The following RNF6 variants were observed in gnomAD, a reference collection of about 807,000 sequenced individuals.
The protein encoded by RNF6 is ring finger protein 6.
Under a neutral mutation model 50.1 loss-of-function variants are expected in RNF6, and 21 were observed. That is an observed-to-expected ratio of 0.42 (90% CI 0.30 to 0.60). RNF6 has a LOEUF of 0.60. Among genes scored for constraint, RNF6 ranks in the 20% least tolerant of loss-of-function variants. The pLI is 0.20. For missense variants in RNF6, 698 were observed against 838.2 expected (o/e 0.83, Z 2.07); for synonymous variants, 255 against 291.8 (o/e 0.87, Z 1.29).
At chr13:26,155,209 C>A (rs911425785) in intron 5 of RNF6, among the ~76,000 whole-genome samples, 12 of 152,248 alleles carry the variant, frequency 7.9e-5, no homozygotes, top group African/African-American at 1.4e-4. Context: ...TTGAAGGCTG[C>A]AGTAAGCTAC....
At position 26,146,709 on chromosome 13, in the gene RNF6, C is replaced by T. The variant is rs371864926; in HGVS notation, n.769-14258G>A. Among the ~76,000 whole-genome samples, 4 of 152,300 alleles carry T rather than the reference C, an allele frequency of 2.6e-5. No homozygotes were observed. The East Asian group carries it at 7.7e-4, about 29-fold the overall frequency. On this transcript the variant is annotated intron_variant and non_coding_transcript_variant, in intron 5 of 5. Coordinates refer to the RNF6 transcript ENST00000468480. Reference sequence around the variant, plus strand: ...TTTCATCTATGTTTCAGCCAACCAACCCCAGTAGCTAGAACCCTTTATGAC... The same window carrying T: ...TTTCATCTATGTTTCAGCCAACCAATCCCAGTAGCTAGAACCCTTTATGAC...
rs1029041291 is a variant in RNF6, at chr13:26,196,690, A to G, written n.768+18784T>C. On this transcript the variant is annotated intron_variant and non_coding_transcript_variant, in intron 5 of 5. Coordinates refer to the RNF6 transcript ENST00000468480. ...CATTTTCAGATAACAAAAAGCTGGG[A>G]GAATCTGCCACTAGTAGTTCTGCAC... Among the ~76,000 whole-genome samples, 45 of 151,878 alleles carry G rather than the reference A, an allele frequency of 3.0e-4. 1 individual carries two copies. Among genetic ancestry groups the G allele is most frequent in the African/African-American group, 1.1e-3 (44 of 41,196 alleles).
chr13:26,217,631 G>C (rs978087745), intron 4 of RNF6, among the ~76,000 whole-genome samples: 2 of 152,212 alleles, frequency 1.3e-5, no homozygotes, highest in African/African-American at 4.8e-5. Flanking sequence ...AAATCTTTCT[G>C]AAGTAATGAG....
intron 5 of RNF6, among the ~76,000 whole-genome samples, chr13:26,138,915 C>T (rs1425263807): frequency 3.9e-5 from 6 of 152,228 alleles, no homozygotes; most frequent in Non-Finnish European, 1.5e-5. Context: ...AATAGTATCA[C>T]TTCACATCTG....
chr13:26,199,506 C>T (rs553064678), intron 5 of RNF6, among the ~76,000 whole-genome samples: 86 of 151,698 alleles, frequency 5.7e-4, no homozygotes, highest in African/African-American at 2.0e-3. Context: ...AAAGCATGGA[C>T]CAAAAAAGAA....
At chr13:26,139,591 T>C (rs537398159) in intron 5 of RNF6, among the ~76,000 whole-genome samples, 3 of 152,314 alleles carry the variant, frequency 2.0e-5, no homozygotes, top group African/African-American at 4.8e-5. Context: ...AAAACCTGTT[T>C]AACACTTCGG....
intron 5 of RNF6, among the ~76,000 whole-genome samples, chr13:26,152,453 G>A (rs1386663738): frequency 1.3e-5 from 2 of 152,146 alleles, no homozygotes; most frequent in African/African-American, 4.8e-5. Context: ...CCACCCCCAA[G>A]CCAGAAGCAG....
At chr13:26,215,638 C>T (rs745827769) in intron 4 of RNF6, 46 bp from the exon 5 acceptor site, 20 of 1,454,876 alleles carry the variant, frequency 1.4e-5, no homozygotes, top group Non-Finnish European at 1.7e-5. Flanking sequence ...CTAAGACACA[C>T]CTTACAGCTT....
chr13:26,146,474 A>G (rs1037383240), intron 5 of RNF6, among the ~76,000 whole-genome samples: 3 of 152,230 alleles, frequency 2.0e-5, no homozygotes, highest in Admixed American at 1.3e-4. Flanking sequence ...GAGTGATCAC[A>G]GAACGCTTTA....
Position 26,148,191 on chromosome 13 carries a change from C to T in RNF6, n.769-15740G>A, listed in dbSNP as rs539520022. On this transcript the variant is annotated intron_variant and non_coding_transcript_variant, in intron 5 of 5. Transcript: ENST00000468480. ...CCATACTTTAAAACCATCAGCTCTC[C>T]TGAGAACTCACTCACTATCATGAGA... Among the ~76,000 whole-genome samples, 145 of 152,120 alleles carry T rather than the reference C, an allele frequency of 9.5e-4. 4 individuals are homozygous for T. In the South Asian group the frequency reaches 0.028, roughly 29 times the overall value.
At chr13:26,150,884 G>A (rs546488095) in intron 5 of RNF6, 11 of 152,252 alleles carry the variant, frequency 7.2e-5, no homozygotes, top group African/African-American at 2.4e-4. Context: ...ATATTTTCCT[G>A]TTGGGGACAT....
At chr13:26,195,881 AC>A (rs1868640570) in intron 5 of RNF6, among the ~76,000 whole-genome samples, 1 of 152,132 alleles carries the variant, frequency 6.6e-6, no homozygotes, top group Admixed American at 6.6e-5. Context: ...TATTCATTTG[AC>A]CCTGATTTTC....
rs767896652 is a variant in RNF6, at chr13:26,215,439, C to T, written c.443G>A (p.Arg148Gln). 30 of 1,613,996 alleles carry T rather than the reference C, an allele frequency of 1.9e-5. No individual in the cohort carries two copies. The highest frequency in any genetic ancestry group is 3.3e-4 in the Middle Eastern group (2 of 6,084). The change falls in exon 5 of 5, where the codon CGG becomes CAG. Residue 148 changes from arginine to glutamine, a missense_variant. Arg to Gln is a conservative substitution (Grantham distance 43). Coordinates refer to ENST00000381588, the MANE Select transcript of RNF6 (RefSeq NM_005977.4). Reference sequence around the variant, plus strand: ...ATTTACGTGGATTTCCAAACTAAACCGAAACTCTCCATTGTTCGGGTTTGT... The same window carrying T: ...ATTTACGTGGATTTCCAAACTAAACTGAAACTCTCCATTGTTCGGGTTTGT... ...SRTNPNNGEF[R>Q]FSLEIHVNHE...
intron 5 of RNF6, among the ~76,000 whole-genome samples, chr13:26,140,702 C>G (rs9553751): frequency 0.35 from 53,470 of 152,036 alleles, 10,089 homozygotes; most frequent in East Asian, 0.7. Context: ...TATCTCTCAT[C>G]ATTGATGATA....
chr13:26,148,632 T>TTATATATGTATATA (rs1555314574), intron 5 of RNF6, among the ~76,000 whole-genome samples: 13 of 47,086 alleles, frequency 2.8e-4, no homozygotes, highest in African/African-American at 1.3e-3. Context: ...ATAAATCTCT[T>TTATATATGTATATA]TATATATATA....
chr13:26,157,956 A>AAGATAGATAGAT (rs151267109), intron 5 of RNF6, among the ~76,000 whole-genome samples: 12 of 146,746 alleles, frequency 8.2e-5, no homozygotes, highest in South Asian at 2.2e-4. Context: ...AGCTAGCTAG[A>AAGATAGATAGAT]AGATAGATAG....
At chr13:26,183,626 A>G (rs1873343967) in intron 5 of RNF6, among the ~76,000 whole-genome samples, 1 of 152,306 alleles carries the variant, frequency 6.6e-6, no homozygotes, top group South Asian at 2.1e-4. Flanking sequence ...TACTTTTTGC[A>G]GAAGTGAAAC....
chr13:26,206,157 G>A (rs1406526674), intron 5 of RNF6, among the ~76,000 whole-genome samples: 1 of 152,154 alleles, frequency 6.6e-6, no homozygotes, highest in African/African-American at 2.4e-5. Context: ...CCAGCCCTTT[G>A]ACTGGGGAAC....
At chr13:26,191,667 T>G (rs935805537) in intron 5 of RNF6, among the ~76,000 whole-genome samples, 4 of 152,214 alleles carry the variant, frequency 2.6e-5, no homozygotes, top group Non-Finnish European at 5.9e-5. Context: ...TCCCTGTCAC[T>G]TTCCACCATG....
Sources: gnomAD v4.1 joint callset for allele counts (sites outside exome capture counted in the v4.1 genomes callset) on GRCh38, gnomAD v4.1.1 for gene constraint, MANE v1.5 for transcripts, NCBI Gene and HGNC (gene_info 2026-07-23, HGNC 2026-07-21) for gene names.